The following PALLD variants were observed in gnomAD, a reference collection of about 807,000 sequenced individuals.
PALLD encodes palladin.
Under a neutral mutation model 123.5 loss-of-function variants are expected in PALLD, and 61 were observed. The observed-to-expected ratio is 0.49, with a 90% CI of 0.40 to 0.61. The LOEUF (loss-of-function observed/expected upper bound fraction) is 0.61, where lower values mean the gene tolerates loss of function less well. Among genes scored for constraint, PALLD ranks in the 20% least tolerant of loss-of-function variants. The pLI is 0.00. For synonymous variants in PALLD, 465 were observed against 496.4 expected (o/e 0.94, Z 0.84); for missense variants, 1,273 against 1,377.0 (o/e 0.92, Z 1.20).
intron 10 of PALLD, among the ~76,000 whole-genome samples, chr4:168,863,340 G>C (rs1209768867): frequency 6.6e-6 from 1 of 152,152 alleles, no homozygotes; most frequent in Non-Finnish European, 1.5e-5. Flanking sequence ...AGGCAGCATT[G>C]AACAGCTCCG....
intron 2 of PALLD, chr4:168,631,982 G>A: frequency 1.3e-6 from 1 of 788,498 alleles, no homozygotes; most frequent in Non-Finnish European, 1.5e-6. Flanking sequence ...GCAAGTACTC[G>A]TGCGAAGAGT....
At chr4:168,728,554 T>C (rs986989843) in intron 10 of PALLD, among the ~76,000 whole-genome samples, 2 of 152,222 alleles carry the variant, frequency 1.3e-5, no homozygotes, top group African/African-American at 4.8e-5. Context: ...ATTGATTTTG[T>C]ATCCTGAAAC....
Position 168,530,347 on chromosome 4 carries a change from C to T in PALLD, c.908+17935C>T, listed in dbSNP as rs1224771727. 2.8e-4 allele frequency among the ~76,000 whole-genome samples: 42 copies of T among 152,096 alleles called. 2 individuals are homozygous for T. The highest frequency in any genetic ancestry group is 1.8e-4 in the Non-Finnish European group (12 of 68,018). On this transcript the variant is annotated intron_variant, in intron 2 of 21. Transcript: ENST00000505667. ...TGGACTATGTTATGCATGTGTTGGACATTTATAGAACACTCCTTGAGTGTA... is the reference window on the plus strand; with the variant it reads ...TGGACTATGTTATGCATGTGTTGGATATTTATAGAACACTCCTTGAGTGTA...
chr4:168,839,330 G>A (rs893514466), intron 10 of PALLD, among the ~76,000 whole-genome samples: 1 of 152,040 alleles, frequency 6.6e-6, no homozygotes, highest in Non-Finnish European at 1.5e-5. Flanking sequence ...ACCAGATGGT[G>A]CCCCTGTTGG....
At chr4:168,925,904 G>A (rs1762494679) in intron 21 of PALLD, among the ~76,000 whole-genome samples, 1 of 152,046 alleles carries the variant, frequency 6.6e-6, no homozygotes, top group African/African-American at 2.4e-5. Context: ...GGAGAGGGGG[G>A]ATGAGAATTA....
intron 2 of PALLD, among the ~76,000 whole-genome samples, chr4:168,641,219 AAAAG>A (rs970482618): frequency 2.7e-5 from 4 of 150,592 alleles, no homozygotes; most frequent in African/African-American, 4.9e-5. Context: ...AAAAAAAAAA[AAAAG>A]AGAGAGATTC....
chr4:168,770,626 C>T (rs556887148), intron 10 of PALLD, among the ~76,000 whole-genome samples: 1 of 152,242 alleles, frequency 6.6e-6, no homozygotes, highest in South Asian at 2.1e-4. Context: ...ATTGTTCTAC[C>T]CTCTCCAAAG....
chr4:168,801,187 A>G (rs6856453), intron 10 of PALLD, among the ~76,000 whole-genome samples: 9,448 of 152,278 alleles, frequency 0.062, 994 homozygotes, highest in African/African-American at 0.21. Flanking sequence ...GGGGAGGCAC[A>G]CACAGGAATC....
chr4:168,600,100 T>C (rs575577911), intron 2 of PALLD, among the ~76,000 whole-genome samples: 4 of 103,676 alleles, frequency 3.9e-5, no homozygotes, highest in Non-Finnish European at 8.8e-5. Flanking sequence ...TGCATGTGTA[T>C]GCACACATAT....
At chr4:168,696,036 G>A (rs1304032907) in intron 8 of PALLD, among the ~76,000 whole-genome samples, 1 of 142,062 alleles carries the variant, frequency 7.0e-6, no homozygotes, top group African/African-American at 2.8e-5. Context: ...TAGCTTTTGA[G>A]CTTAAAAAAA....
intron 8 of PALLD, among the ~76,000 whole-genome samples, chr4:168,695,034 C>G (rs1581011066): frequency 6.6e-6 from 1 of 152,318 alleles, no homozygotes; most frequent in East Asian, 1.9e-4. Flanking sequence ...TGAGTTACTT[C>G]TATAGCACTG....
chr4:168,902,908 G>A (rs9994694), intron 14 of PALLD, among the ~76,000 whole-genome samples: 2,600 of 152,060 alleles, frequency 0.017, 60 homozygotes, highest in African/African-American at 0.043. Context: ...AATAGCTAGG[G>A]CTATAGACAT....
intron 2 of PALLD, chr4:168,537,919 C>G (rs1221974512): frequency 6.6e-6 from 1 of 152,192 alleles, no homozygotes; most frequent in Non-Finnish European, 1.5e-5. Context: ...TGCCTATGGC[C>G]ACATTCATGT....
chr4:168,631,557 C>G (rs1775808591), intron 2 of PALLD: 1 of 965,980 alleles, frequency 1.0e-6, no homozygotes, highest in Non-Finnish European at 1.2e-6. Context: ...CTCCCCCTCC[C>G]CAGCAGCCCG....
At chr4:168,545,784 A>G (rs936366437) in intron 2 of PALLD, among the ~76,000 whole-genome samples, 1 of 152,222 alleles carries the variant, frequency 6.6e-6, no homozygotes, top group African/African-American at 2.4e-5. Context: ...TTTTGTAATT[A>G]CATAATGTCA....
At chr4:168,608,613 C>A (rs959506667) in intron 2 of PALLD, among the ~76,000 whole-genome samples, 9 of 152,352 alleles carry the variant, frequency 5.9e-5, no homozygotes, top group South Asian at 4.1e-4. Context: ...TTCCTCCCCA[C>A]AAACTGTCTT....
At chr4:168,578,827 G>A (rs1278955566) in intron 2 of PALLD, among the ~76,000 whole-genome samples, 1 of 151,914 alleles carries the variant, frequency 6.6e-6, no homozygotes, top group Non-Finnish European at 1.5e-5. Flanking sequence ...AAAACCTATA[G>A]TAAAGAAAGT....
At chr4:168,845,617 G>A (rs992318653) in intron 10 of PALLD, among the ~76,000 whole-genome samples, 2 of 152,192 alleles carry the variant, frequency 1.3e-5, no homozygotes, top group African/African-American at 4.8e-5. Context: ...ACTTGAGCAT[G>A]TGTGGATTTT....
chr4:168,839,274 CTT>C (rs996240821), intron 10 of PALLD, among the ~76,000 whole-genome samples: 1 of 152,064 alleles, frequency 6.6e-6, no homozygotes, highest in African/African-American at 2.4e-5. Flanking sequence ...ATTGTATACT[CTT>C]TTGTAGTATT....
Sources: gnomAD v4.1 joint callset for allele counts (sites outside exome capture counted in the v4.1 genomes callset) on GRCh38, gnomAD v4.1.1 for gene constraint, MANE v1.5 for transcripts, NCBI Gene and HGNC (gene_info 2026-07-23, HGNC 2026-07-21) for gene names.